The following LTBP1 variants were observed in gnomAD, a reference collection of about 807,000 sequenced individuals.
LTBP1 encodes the protein latent transforming growth factor beta binding protein 1, also known as latent-transforming growth factor beta-binding protein 1.
A neutral mutation model predicts 207.6 loss-of-function variants in LTBP1; 129 were observed. The observed-to-expected ratio is 0.62, with a 90% CI of 0.54 to 0.72. The LOEUF is 0.72. Among genes scored for constraint, LTBP1 ranks in the 30% least tolerant of loss-of-function variants. The pLI is 0.00. For missense variants in LTBP1, 2,281 were observed against 2,217.2 expected, an observed-to-expected ratio of 1.03 and a Z score of -0.58; for synonymous variants, 963 against 833.7, an observed-to-expected ratio of 1.16 and a Z score of -2.67.
chr2:33,048,470 G>A (rs574232318), intron 3 of LTBP1, among the ~76,000 whole-genome samples: 28 of 152,340 alleles, frequency 1.8e-4, no homozygotes, highest in South Asian at 1.2e-3. Context: ...ATGCCTAATA[G>A]CATTGCTTTC....
At chr2:33,377,599 C>G (rs2095156951) in intron 31 of LTBP1, among the ~76,000 whole-genome samples, 1 of 152,078 alleles carries the variant, frequency 6.6e-6, no homozygotes, top group Admixed American at 6.6e-5. Flanking sequence ...TTACTGATGT[C>G]CTATTAAAAT....
At position 33,187,929 on chromosome 2, in the gene LTBP1, G is replaced by A. The variant is rs185921230; in HGVS notation, c.1427-648G>A. On this transcript the variant is annotated intron_variant, in intron 6 of 33. Transcript: ENST00000404816. ...GAAATTCAAAAATAATCAAATGCTT[G>A]ATCTTTCTGATTAACATTTGATAAA... Among the ~76,000 whole-genome samples, 21 of 152,184 alleles carry A rather than the reference G, an allele frequency of 1.4e-4. No homozygotes were observed. In the East Asian group the frequency reaches 2.5e-3, roughly 18 times the overall value.
chr2:32,977,114 A>C (rs1356915091), intron 2 of LTBP1, among the ~76,000 whole-genome samples: 1 of 152,162 alleles, frequency 6.6e-6, no homozygotes, highest in Non-Finnish European at 1.5e-5. Flanking sequence ...AGATAGAAGA[A>C]GGACCAGTGG....
intron 32 of LTBP1, among the ~76,000 whole-genome samples, chr2:33,392,977 G>A (rs1168170609): frequency 6.6e-6 from 1 of 151,676 alleles, no homozygotes; most frequent in African/African-American, 2.4e-5. Flanking sequence ...TGAGTAGCTG[G>A]GACTCTTGTT....
chr2:33,299,630 G>C (rs1413600883), intron 20 of LTBP1, among the ~76,000 whole-genome samples: 1 of 152,178 alleles, frequency 6.6e-6, no homozygotes, highest in Non-Finnish European at 1.5e-5. Flanking sequence ...AACATTCTGA[G>C]GCTGTATTTG....
intron 7 of LTBP1, among the ~76,000 whole-genome samples, chr2:33,199,011 T>G (rs1003449220): frequency 2.6e-5 from 4 of 152,180 alleles, no homozygotes; most frequent in Non-Finnish European, 5.9e-5. Flanking sequence ...TTTTGGATCT[T>G]TCCTGCTTTC....
chr2:33,130,599 G>A (rs886325388), intron 4 of LTBP1, among the ~76,000 whole-genome samples: 1 of 152,132 alleles, frequency 6.6e-6, no homozygotes, highest in Non-Finnish European at 1.5e-5. Context: ...TTTATCACGG[G>A]AGGAGGGGTA....
intron 24 of LTBP1, among the ~76,000 whole-genome samples, chr2:33,334,720 G>A (rs2094535212): frequency 6.6e-6 from 1 of 152,046 alleles, no homozygotes; most frequent in African/African-American, 2.4e-5. Flanking sequence ...ATGGAGCAGT[G>A]TTGTTTTAGT....
In LTBP1 at chr2:33,252,775, C is replaced by A; in HGVS notation, c.2098C>A (p.Gln700Lys). 6.2e-7 allele frequency: 1 copy of A among 1,614,078 alleles called. No homozygotes were observed. Among genetic ancestry groups the A allele is most frequent in the Non-Finnish European group, 8.5e-7 (1 of 1,179,954 alleles). ...CCCTCTGTCTGTTCACCTCACCAAG[C>A]AGCTCTGCTGTTGTAGTGTGGGCAA... ...MHPLSVHLTK[Q>K]LCCCSVGKAW... is the part of the protein sequence containing the mutation. Residue 700 changes from glutamine (Q) to lysine (K), a missense_variant, in exon 11 of 34, where the codon CAG becomes AAG. Physicochemically the swap from Gln to Lys is moderately conservative, Grantham distance 53 (BLOSUM62 1). Transcript: ENST00000404816.
intron 3 of LTBP1, among the ~76,000 whole-genome samples, chr2:33,077,033 G>A (rs966137808): frequency 1.1e-4 from 16 of 152,152 alleles, no homozygotes; most frequent in African/African-American, 3.9e-4. Context: ...ATACTTCTAG[G>A]GCTAGAGAGG....
At chr2:33,225,119 T>A (rs555962817) in intron 9 of LTBP1, among the ~76,000 whole-genome samples, 27 of 152,286 alleles carry the variant, frequency 1.8e-4, no homozygotes, top group Non-Finnish European at 3.1e-4. Flanking sequence ...TTTAAAAAAA[T>A]TTCCTTTTAT....
intron 3 of LTBP1, among the ~76,000 whole-genome samples, chr2:33,059,540 C>T (rs1001814870): frequency 6.6e-6 from 1 of 152,150 alleles, no homozygotes; most frequent in African/African-American, 2.4e-5. Flanking sequence ...CAGAGAACCT[C>T]TATAGGATTA....
chr2:33,335,723 G>GT (rs1344347086), intron 24 of LTBP1, among the ~76,000 whole-genome samples: 1 of 152,148 alleles, frequency 6.6e-6, no homozygotes, highest in Non-Finnish European at 1.5e-5. Flanking sequence ...TATTCAGCTG[G>GT]TTTAACATCT....
chr2:33,172,040 T>C (rs368441179), intron 5 of LTBP1, among the ~76,000 whole-genome samples: 1 of 152,204 alleles, frequency 6.6e-6, no homozygotes, highest in South Asian at 2.1e-4. Context: ...CCAGTACCAG[T>C]CACTGCAAAA....
intron 7 of LTBP1, among the ~76,000 whole-genome samples, chr2:33,207,484 A>T (rs2089971225): frequency 6.6e-6 from 1 of 152,058 alleles, no homozygotes; most frequent in Admixed American, 6.6e-5. Context: ...TTACTCTAAT[A>T]AAAGAAAGCT....
chr2:33,215,706 G>A (rs2090619597), intron 7 of LTBP1, among the ~76,000 whole-genome samples: 1 of 131,702 alleles, frequency 7.6e-6, no homozygotes, highest in African/African-American at 3.0e-5. Context: ...ACTTCCATTG[G>A]TTTTCTTTTG....
At chr2:33,211,686 G>C (rs1482166554) in intron 7 of LTBP1, among the ~76,000 whole-genome samples, 6 of 152,164 alleles carry the variant, frequency 3.9e-5, no homozygotes. Flanking sequence ...AGGCACTATA[G>C]GTACCAGCGA....
intron 24 of LTBP1, among the ~76,000 whole-genome samples, chr2:33,340,256 TCAAAA>T (rs2094602340): frequency 1.4e-5 from 1 of 72,420 alleles, no homozygotes. Flanking sequence ...AGACTCTGTC[TCAAAA>T]AAAAAAAAAA....
rs368295145 is a variant in LTBP1, at chr2:33,328,007, C to T, written c.3730+12738C>T. Among the ~76,000 whole-genome samples the T allele has an allele frequency of 7.7e-4, 117 of 151,846 alleles. 2 individuals are homozygous for T. The South Asian group carries it at 0.023, about 30-fold the overall frequency. On this transcript the variant is annotated intron_variant, in intron 24 of 33. Coordinates refer to ENST00000404816, the MANE Select transcript of LTBP1 (RefSeq NM_206943.4). The stretch of plus-strand genomic sequence containing the variant: ...AAAATTAGCCAGGCATGATGGCACA[C>T]GCCTGTAATCTCAGCTACTTGGGAG...
Sources: allele counts gnomAD v4.1 joint callset (sites outside exome capture counted in the v4.1 genomes callset), GRCh38; gene constraint gnomAD v4.1.1; transcripts MANE v1.5; gene names NCBI Gene and HGNC (gene_info 2026-07-23, HGNC 2026-07-21).